The following EXOG variants were observed in gnomAD, a reference collection of about 807,000 sequenced individuals.
EXOG encodes the protein nuclease EXOG, mitochondrial.
In EXOG, 27 loss-of-function variants were observed where a neutral mutation model predicts 25.8. That is an observed-to-expected ratio of 1.05 (90% confidence interval 0.77 to 1.45). EXOG has a LOEUF of 1.45. Ranked by LOEUF, EXOG falls within the 40% of genes most tolerant of loss-of-function variation. The probability of loss-of-function intolerance (pLI) is 0.00; values close to 1 mark genes in which losing one functional copy is unlikely to be tolerated. For missense variants in EXOG, 458 were observed against 450.5 expected (o/e 1.02, Z -0.15); for synonymous variants, 133 against 167.0 (o/e 0.80, Z 1.57).
intron 5 of EXOG, among the ~76,000 whole-genome samples, chr3:38,516,998 G>A (rs903171054): frequency 4.6e-5 from 7 of 152,104 alleles, no homozygotes; most frequent in Admixed American, 6.5e-5. Flanking sequence ...AACTTTACTT[G>A]GTTAAGGTGG....
chr3:38,525,693 A>C lies in EXOG; in HGVS notation c.*1331A>C. 2 of 942,230 alleles carry C rather than the reference A, an allele frequency of 2.1e-6. No homozygotes were observed. The highest frequency in any genetic ancestry group is 1.3e-6 in the Non-Finnish European group (1 of 790,540). 58.4% of individuals were successfully genotyped at this position (942,230 alleles called of 1,614,324 possible). Reference sequence around the variant, plus strand: ...CATGGTGGCTCAGGCCTATAATCTCAGCACTTTGGGAAATCGAGGTGGGTG... The same window carrying C: ...CATGGTGGCTCAGGCCTATAATCTCCGCACTTTGGGAAATCGAGGTGGGTG... On this transcript the variant is annotated 3_prime_UTR_variant, in exon 6 of 6. Coordinates refer to ENST00000287675, the MANE Select transcript of EXOG (RefSeq NM_005107.4).
intron 2 of EXOG, 120 bp downstream of exon 2, chr3:38,497,898 T>C: frequency 8.0e-7 from 1 of 1,246,426 alleles, no homozygotes. Flanking sequence ...TGTAGAAAAT[T>C]ATATTTATAT....
At chr3:38,508,610 A>G (rs756664986) in intron 5 of EXOG, among the ~76,000 whole-genome samples, 1 of 152,064 alleles carries the variant, frequency 6.6e-6, no homozygotes, top group Non-Finnish European at 1.5e-5. Context: ...CACCTAGCTC[A>G]GCTCTGGAAA....
At chr3:38,504,119 G>A (rs938235684) in intron 4 of EXOG, among the ~76,000 whole-genome samples, 2 of 152,116 alleles carry the variant, frequency 1.3e-5, no homozygotes, top group African/African-American at 4.8e-5. Context: ...TATAGTCTCA[G>A]CACCTGGAGA....
Position 38,507,589 on chromosome 3 carries a change from G to A in EXOG, c.645+621G>A, listed in dbSNP as rs367827827. 7.6e-4 allele frequency among the ~76,000 whole-genome samples: 115 copies of A among 152,280 alleles called. 2 individuals carry two copies. In the South Asian group the frequency reaches 0.023, roughly 31 times the overall value. On this transcript the variant is annotated intron_variant, in intron 5 of 5. Coordinates refer to ENST00000287675, the MANE Select transcript of EXOG (RefSeq NM_005107.4). Reference sequence around the variant, plus strand: ...TGAAGACTTGGGTTTTAATTTTTAGGCACTAAGAAGTCATAGATTTGTTTT... The same window carrying A: ...TGAAGACTTGGGTTTTAATTTTTAGACACTAAGAAGTCATAGATTTGTTTT...
chr3:38,497,604 C>CCCTTTTT, intron 1 of EXOG, 25 bp from the exon 2 acceptor site: 1 of 1,412,226 alleles, frequency 7.1e-7, no homozygotes, highest in Non-Finnish European at 9.4e-7. Context: ...TCTGCCCCCC[C>CCCTTTTT]TTTTTTTTTT....
Position 38,497,700 on chromosome 3 carries a change from A to T in EXOG, c.235A>T (p.Asn79Tyr), listed in dbSNP as rs995294003. The change falls in exon 2 of 6, where the codon AAT becomes TAT. Residue 79 changes from asparagine (N) to tyrosine (Y), a missense_variant. Physicochemically the swap from Asn to Tyr is moderately radical, Grantham distance 143. Around this residue, in one of 3 missense-constraint regions of EXOG, gnomAD observed 275 missense variants for 230.5 expected, o/e 1.19. Transcript: ENST00000287675. ...LTGTEARCYT[N>Y]HALSYDQAKR... is the part of the protein sequence containing the mutation. ...TGGAACAGAGGCAAGGTGTTACACT[A>T]ATCACGCTTTGTCTTATGATCAGGC... 6.2e-7 allele frequency: 1 copy of T among 1,610,696 alleles called. No homozygotes were observed. The highest frequency in any genetic ancestry group is 1.3e-5 in the African/African-American group (1 of 74,654).
chr3:38,502,775 A>G (rs936544707), intron 3 of EXOG, among the ~76,000 whole-genome samples: 7 of 152,180 alleles, frequency 4.6e-5, no homozygotes, highest in African/African-American at 1.4e-4. Flanking sequence ...TTTAGTTATC[A>G]TATTTCTTTA....
rs760291447 is a variant in EXOG, at chr3:38,508,721, C to CCA, written c.645+1753_645+1754insCA. 3.5e-3 allele frequency among the ~76,000 whole-genome samples: 508 copies of CCA among 144,934 alleles called. 2 individuals carry two copies. Among genetic ancestry groups the CCA allele is most frequent in the African/African-American group, 0.012 (453 of 38,826 alleles). ...ACAGATTGAGGAACCACCCCCCCCC[C>CCA]AAAAAAAAACCAAAACTTTTAGAGT... On this transcript the variant is annotated intron_variant, in intron 5 of 5. Coordinates refer to ENST00000287675, the MANE Select transcript of EXOG (RefSeq NM_005107.4).
chr3:38,499,625 A>G (rs548858240), intron 2 of EXOG: 4 of 453,526 alleles, frequency 8.8e-6, no homozygotes, highest in Non-Finnish European at 1.3e-5. Context: ...TAAAAAGTGT[A>G]TATCTGTATT....
chr3:38,523,069 C>T lies in EXOG; in HGVS notation c.646-832C>T, dbSNP rs1406229598. On this transcript the variant is annotated intron_variant, in intron 5 of 5. Coordinates refer to ENST00000287675, the MANE Select transcript of EXOG (RefSeq NM_005107.4). ...AAAAATTAGCCCTAATTGAAGTGATCCTGGAGATGGTAATGTTGACTTGAC... is the reference window on the plus strand; with the variant it reads ...AAAAATTAGCCCTAATTGAAGTGATTCTGGAGATGGTAATGTTGACTTGAC... The T allele has an allele frequency of 1.7e-5, 8 of 470,626 alleles. No individual in the cohort carries two copies. The East Asian group carries it at 5.6e-4, about 33-fold the overall frequency. 29.2% of individuals were successfully genotyped at this position (470,626 alleles called of 1,614,324 possible).
chr3:38,523,826 A>G (rs540513361), intron 5 of EXOG, 75 bp from the exon 6 acceptor site: 507 of 1,010,264 alleles, frequency 5.0e-4, no homozygotes, highest in Non-Finnish European at 6.6e-4. Flanking sequence ...AATGCATTAA[A>G]TAAGTATTTT....
chr3:38,503,329 A>C (rs544646136), intron 3 of EXOG, among the ~76,000 whole-genome samples: 18 of 152,166 alleles, frequency 1.2e-4, no homozygotes, highest in Non-Finnish European at 2.5e-4. Flanking sequence ...ATTTGCCCTT[A>C]AGCTTTGTGT....
At chr3:38,500,498 A>G (rs1049793638) in intron 2 of EXOG, among the ~76,000 whole-genome samples, 3 of 152,226 alleles carry the variant, frequency 2.0e-5, no homozygotes, top group Non-Finnish European at 2.9e-5. Context: ...AAAAAGCTAC[A>G]TATATGATAC....
chr3:38,501,253 T>G (rs2060034662), intron 2 of EXOG, 102 bp from the exon 3 acceptor site: 1 of 895,216 alleles, frequency 1.1e-6, no homozygotes, highest in African/African-American at 1.6e-5. Context: ...TACTAGCTGC[T>G]TGGAGAGACA....
chr3:38,519,589 C>G (rs557192158), intron 5 of EXOG, among the ~76,000 whole-genome samples: 1 of 152,094 alleles, frequency 6.6e-6, no homozygotes, highest in African/African-American at 2.4e-5. Flanking sequence ...TTAGGGAAAG[C>G]TTTTGTTCAT....
At chr3:38,497,604 C>CTTT in intron 1 of EXOG, 25 bp from the exon 2 acceptor site, 29 of 1,412,020 alleles carry the variant, frequency 2.1e-5, no homozygotes, top group South Asian at 5.6e-5. Flanking sequence ...TCTGCCCCCC[C>CTTT]TTTTTTTTTT....
At chr3:38,508,235 T>A (rs1390322963) in intron 5 of EXOG, among the ~76,000 whole-genome samples, 1 of 152,194 alleles carries the variant, frequency 6.6e-6, no homozygotes, top group African/African-American at 2.4e-5. Flanking sequence ...TTCTTTTTTT[T>A]AATATGCAAG....
intron 3 of EXOG, among the ~76,000 whole-genome samples, chr3:38,501,723 G>A (rs2060050183): frequency 6.6e-6 from 1 of 152,116 alleles, no homozygotes; most frequent in African/African-American, 2.4e-5. Context: ...AAGCCACTGG[G>A]AGCTGAAGCT....
Sources: allele counts gnomAD v4.1 joint callset (sites outside exome capture counted in the v4.1 genomes callset), GRCh38; gene constraint gnomAD v4.1.1; regional missense constraint gnomAD v4.1.1; transcripts MANE v1.5; gene names NCBI Gene and HGNC (gene_info 2026-07-23, HGNC 2026-07-21).